The following CCDC149 variants were observed in gnomAD, a reference collection of about 807,000 sequenced individuals.
CCDC149 encodes the protein coiled-coil domain-containing protein 149.
Under a neutral mutation model 59.9 loss-of-function variants are expected in CCDC149, and 45 were observed. The ratio of observed to expected loss-of-function variants is 0.75; its 90% CI spans 0.59 to 0.96. The LOEUF (loss-of-function observed/expected upper bound fraction) is 0.96. Ranked by LOEUF, CCDC149 falls within the 40% of genes least tolerant of loss-of-function variation. The probability of loss-of-function intolerance (pLI) is 0.00; values close to 1 mark genes in which losing one functional copy is unlikely to be tolerated. For synonymous variants in CCDC149, 245 were observed against 260.6 expected, an observed-to-expected ratio of 0.94 and a Z score of 0.58; for missense variants, 584 against 664.7, an observed-to-expected ratio of 0.88 and a Z score of 1.33.
At chr4:24,876,133 A>T (rs1004443610) in intron 2 of CCDC149, among the ~76,000 whole-genome samples, 1 of 152,042 alleles carries the variant, frequency 6.6e-6, no homozygotes, top group Non-Finnish European at 1.5e-5. Flanking sequence ...CTATGAGATC[A>T]AAAAAACAAC....
chr4:24,921,927 T>C (rs1167724621), intron 1 of CCDC149, among the ~76,000 whole-genome samples: 1 of 152,118 alleles, frequency 6.6e-6, no homozygotes, highest in Non-Finnish European at 1.5e-5. Flanking sequence ...GGTGTTTAAA[T>C]AGCAGAACTT....
At chr4:24,816,012 A>G (rs570844509) in intron 12 of CCDC149, among the ~76,000 whole-genome samples, 9 of 152,286 alleles carry the variant, frequency 5.9e-5, no homozygotes, top group African/African-American at 1.2e-4. Flanking sequence ...GCCAGGGTCT[A>G]GGACAGGACT....
chr4:24,838,170 G>T lies in CCDC149; in HGVS notation c.475C>A (p.Arg159=). Residue 159 remains arginine, a synonymous_variant, in exon 5 of 13, where the codon CGA becomes AGA. Coordinates refer to ENST00000635206, the MANE Select transcript of CCDC149 (RefSeq NM_001330643.2). ...TTAGTGAGAACCTGTTCCTTAGCTC[G>T]CTCTAGCTGCTGCACCAAGTCTTCA... 1 of 1,613,422 alleles carries T rather than the reference G, an allele frequency of 6.2e-7. No homozygotes were observed. Among genetic ancestry groups the T allele is most frequent in the Non-Finnish European group, 8.5e-7 (1 of 1,179,338 alleles).
chr4:24,905,324 T>C (rs1437105942), intron 1 of CCDC149, among the ~76,000 whole-genome samples: 1 of 152,134 alleles, frequency 6.6e-6, no homozygotes, highest in Non-Finnish European at 1.5e-5. Context: ...AGAATAACTT[T>C]TTAACTTTGA....
chr4:24,898,269 T>C (rs763955192), intron 1 of CCDC149, among the ~76,000 whole-genome samples: 4 of 152,128 alleles, frequency 2.6e-5, no homozygotes, highest in Admixed American at 2.6e-4. Flanking sequence ...CACTTTATCA[T>C]CATCTTAACC....
intron 1 of CCDC149, among the ~76,000 whole-genome samples, chr4:24,898,739 T>G (rs980522483): frequency 5.9e-5 from 9 of 152,090 alleles, no homozygotes; most frequent in Middle Eastern, 3.2e-3. Flanking sequence ...CCAAATGCAA[T>G]GTACCACTCA....
intron 4 of CCDC149, among the ~76,000 whole-genome samples, chr4:24,847,157 G>A (rs539283758): frequency 6.6e-6 from 1 of 152,158 alleles, no homozygotes; most frequent in Non-Finnish European, 1.5e-5. Flanking sequence ...TACTTGGGGG[G>A]ACACATCTAG....
In CCDC149 at chr4:24,860,194, T is replaced by C. The variant is rs561194453; in HGVS notation, c.265-7015A>G. The stretch of plus-strand genomic sequence containing the variant: ...CATCACACTACCTGACTTCAAACTA[T>C]ACCATTAGGCCATAGTCACCAAAAC... On this transcript the variant is annotated intron_variant, in intron 3 of 12. Coordinates refer to ENST00000635206, the MANE Select transcript of CCDC149 (RefSeq NM_001330643.2). Among the ~76,000 whole-genome samples the C allele has an allele frequency of 8.9e-4, 136 of 152,246 alleles. 1 individual carries two copies. The highest frequency in any genetic ancestry group is 1.4e-3 in the Admixed American group (21 of 15,292).
intron 4 of CCDC149, among the ~76,000 whole-genome samples, chr4:24,845,773 T>C (rs1276793365): frequency 4.6e-5 from 7 of 152,164 alleles, no homozygotes; most frequent in East Asian, 1.9e-4. Context: ...GCTATCCCCA[T>C]TGTACAGATG....
intron 4 of CCDC149, among the ~76,000 whole-genome samples, chr4:24,851,151 A>G (rs1223107259): frequency 6.6e-6 from 1 of 152,246 alleles, no homozygotes; most frequent in Non-Finnish European, 1.5e-5. Context: ...ATAAAGACTC[A>G]GAGAGCATGC....
chr4:24,820,103 C>T (rs552237576), intron 11 of CCDC149, 128 bp from the exon 12 acceptor site: 92 of 645,496 alleles, frequency 1.4e-4, no homozygotes, highest in Admixed American at 1.1e-3. Context: ...AAGCCTGCTA[C>T]GACTGCTGAC....
chr4:24,884,150 C>G (rs772374066), intron 1 of CCDC149, among the ~76,000 whole-genome samples: 14 of 152,172 alleles, frequency 9.2e-5, no homozygotes, highest in Non-Finnish European at 1.8e-4. Context: ...AAGAGGCCAC[C>G]TATAGATTGA....
chr4:24,977,741 C>A (rs7683047), intron 1 of CCDC149, among the ~76,000 whole-genome samples: 26,245 of 152,132 alleles, frequency 0.17, 2,467 homozygotes, highest in South Asian at 0.33. Flanking sequence ...CCACATAGGT[C>A]TGCCTGTTAG....
At chr4:24,965,571 A>G (rs1723770983) in intron 1 of CCDC149, among the ~76,000 whole-genome samples, 1 of 152,244 alleles carries the variant, frequency 6.6e-6, no homozygotes, top group Non-Finnish European at 1.5e-5. Flanking sequence ...TTAAATTAGA[A>G]AGTATTTTGA....
upstream of CCDC149, among the ~76,000 whole-genome samples, chr4:24,913,679 C>A (rs1389200054): frequency 6.6e-6 from 1 of 152,190 alleles, no homozygotes. Flanking sequence ...TTCCATGGCT[C>A]ATGCCTGTAA....
chr4:24,977,363 C>A lies in CCDC149; in HGVS notation c.-65+2706G>T, dbSNP rs73250668. Among the ~76,000 whole-genome samples, 61 of 152,288 alleles carry A rather than the reference C, an allele frequency of 4.0e-4. 1 individual carries two copies. The highest frequency in any genetic ancestry group is 1.4e-3 in the African/African-American group (59 of 41,574). On this transcript the variant is annotated intron_variant, in intron 1 of 12. Coordinates refer to the CCDC149 transcript ENST00000389609. ...AAGCACAGACAAAAGCAGAGCCATG[C>A]GTCAGGAAATATCCATTTCTCCCTT...
chr4:24,914,720 C>T (rs1722073503), upstream of CCDC149, among the ~76,000 whole-genome samples: 1 of 152,104 alleles, frequency 6.6e-6, no homozygotes, highest in Non-Finnish European at 1.5e-5. Context: ...GTTTAAGCCA[C>T]TAAGTTTTAG....
chr4:24,938,572 G>A (rs7340769), intron 1 of CCDC149, among the ~76,000 whole-genome samples: 3 of 152,068 alleles, frequency 2.0e-5, no homozygotes, highest in South Asian at 2.1e-4. Context: ...CAGTGCACTG[G>A]GCGTGAGCCG....
intron 1 of CCDC149, among the ~76,000 whole-genome samples, chr4:24,906,377 T>TTTTATTTTATTTTATTTTATGTTATGTTA (rs1721518010): frequency 3.8e-5 from 1 of 26,474 alleles, no homozygotes; most frequent in African/African-American, 7.0e-5. Context: ...TTTATTTTAT[T>TTTTATTTTATTTTATTTTATGTTATGTTA]TTATTTTATT....
Sources: allele counts gnomAD v4.1 joint callset (sites outside exome capture counted in the v4.1 genomes callset), GRCh38; gene constraint gnomAD v4.1.1; transcripts MANE v1.5; gene names NCBI Gene and HGNC (gene_info 2026-07-23, HGNC 2026-07-21).